The following ZNF138 variants were observed in gnomAD, a reference collection of about 807,000 sequenced individuals.
ZNF138 encodes zinc finger protein 138 (clone pHZ-32).
A neutral mutation model predicts 33.0 loss-of-function variants in ZNF138; 33 were observed. The ratio of observed to expected loss-of-function variants is 1.00; its 90% CI spans 0.76 to 1.34. The LOEUF is 1.34. ZNF138 is among the 40% of genes most tolerant of loss of function. The probability of loss-of-function intolerance (pLI) is 0.00; values close to 1 mark genes in which losing one functional copy is unlikely to be tolerated. For synonymous variants in ZNF138, 139 were observed against 120.4 expected (o/e 1.15, Z -1.01); for missense variants, 360 against 370.8 (o/e 0.97, Z 0.24).
At chr7:64,851,939 G>A in the ZNF138 span, among the ~76,000 whole-genome samples, 3 of 152,060 alleles carry the variant, frequency 2.0e-5, no homozygotes, top group Non-Finnish European at 4.4e-5. Flanking sequence ...CTTATGACTG[G>A]GATGCCGTCA....
At chr7:64,839,990 C>T in the ZNF138 span, among the ~76,000 whole-genome samples, 7 of 138,870 alleles carry the variant, frequency 5.0e-5, no homozygotes, top group African/African-American at 7.8e-5. Flanking sequence ...GAGGAGTGGG[C>T]GGGGTAGGGG....
intron 1 of ZNF138, among the ~76,000 whole-genome samples, chr7:64,803,197 G>C (rs1469325006): frequency 6.7e-6 from 1 of 148,568 alleles, no homozygotes; most frequent in Non-Finnish European, 1.5e-5. Flanking sequence ...CATTGTTTTT[G>C]ACTCAGGATT....
the ZNF138 span, among the ~76,000 whole-genome samples, chr7:64,840,686 C>T: frequency 6.6e-6 from 1 of 151,104 alleles, no homozygotes; most frequent in Admixed American, 6.6e-5. Flanking sequence ...ATAAATAAAA[C>T]CCTGAGTCTT....
chr7:64,832,832 C>A lies in ZNF138; in HGVS notation c.*630C>A. On this transcript the variant is annotated 3_prime_UTR_variant, in exon 4 of 4. Coordinates refer to ENST00000307355, the MANE Select transcript of ZNF138 (RefSeq NM_001271639.2). ...AGAAGATTCATACTAGAGAGAAACC[C>A]TACAAATGTGAAGAATGTGGCATAT... 1 of 448,892 alleles carries A rather than the reference C, an allele frequency of 2.2e-6. No individual in the cohort carries two copies. 27.8% of individuals were successfully genotyped at this position (448,892 alleles called of 1,614,324 possible). A position where few individuals can be genotyped will look rare whatever the true frequency, so the allele number is the denominator to read the frequency against.
At chr7:64,858,231 T>C in the ZNF138 span, among the ~76,000 whole-genome samples, 3 of 152,184 alleles carry the variant, frequency 2.0e-5, no homozygotes. Context: ...CTGAGAAGTG[T>C]CCTGCCAGAA....
At chr7:64,834,485 C>T (rs1790306019), downstream of ZNF138, among the ~76,000 whole-genome samples, 1 of 152,066 alleles carries the variant, frequency 6.6e-6, no homozygotes, top group Admixed American at 6.6e-5. Context: ...TGCAGAGTTA[C>T]AATTACATTC....
At chr7:64,840,604 T>C in the ZNF138 span, among the ~76,000 whole-genome samples, 1 of 152,182 alleles carries the variant, frequency 6.6e-6, no homozygotes, top group Non-Finnish European at 1.5e-5. Context: ...TTTTACTTAC[T>C]TTAAAATGTA....
chr7:64,840,968 C>T, the ZNF138 span, among the ~76,000 whole-genome samples: 1 of 151,790 alleles, frequency 6.6e-6, no homozygotes, highest in South Asian at 2.1e-4. Flanking sequence ...AACTGAAAAC[C>T]TCAAAAATGC....
the ZNF138 span, among the ~76,000 whole-genome samples, chr7:64,845,060 G>A: frequency 6.6e-6 from 1 of 151,944 alleles, no homozygotes; most frequent in Non-Finnish European, 1.5e-5. Context: ...AACCCAATTT[G>A]TAGTCTTTTA....
intron 3 of ZNF138, 44 bp from the exon 4 acceptor site, chr7:64,831,407 G>C: frequency 2.1e-6 from 3 of 1,456,030 alleles, no homozygotes; most frequent in Non-Finnish European, 2.8e-6. Context: ...ATATTCATCT[G>C]AGTCTAGCAG....
intron 1 of ZNF138, among the ~76,000 whole-genome samples, chr7:64,804,624 A>G (rs929672150): frequency 6.6e-6 from 1 of 151,884 alleles, no homozygotes; most frequent in Non-Finnish European, 1.5e-5. Context: ...TCTACTAAAA[A>G]TATAAAATAA....
intron 3 of ZNF138, among the ~76,000 whole-genome samples, chr7:64,815,897 G>A (rs925712709): frequency 2.0e-5 from 3 of 152,048 alleles, no homozygotes; most frequent in Admixed American, 2.0e-4. Flanking sequence ...TCCTTTTCAT[G>A]GCATATAAAA....
Position 64,822,215 on chromosome 7 carries a change from G to C in ZNF138, c.208+6562G>C, listed in dbSNP as rs191263425. 6.7e-4 allele frequency among the ~76,000 whole-genome samples: 102 copies of C among 151,552 alleles called. 6 individuals are homozygous for C. Among genetic ancestry groups the C allele is most frequent in the African/African-American group, 2.4e-3 (100 of 40,938 alleles). On this transcript the variant is annotated intron_variant, in intron 3 of 3. Coordinates refer to ENST00000307355, the MANE Select transcript of ZNF138 (RefSeq NM_001271639.2). ...ATTACAGGCGTGAGCCACCGTGCCT[G>C]GCCAATTTGCAAATATTTTCACCCA... is the stretch of plus-strand genomic sequence containing the variant.
chr7:64,843,982 C>T, the ZNF138 span, among the ~76,000 whole-genome samples: 163 of 152,224 alleles, frequency 1.1e-3, 1 homozygote, highest in African/African-American at 3.3e-3. Flanking sequence ...CGCCACCATG[C>T]CCAGCTAATT....
rs776803306 is a variant in ZNF138, at chr7:64,832,211, T to C, written c.*9T>C. On this transcript the variant is annotated 3_prime_UTR_variant, in exon 4 of 4. Transcript: ENST00000307355. ...CTTTTAACCTATCTTAACAACTTACTGAACATAAGAAAATTTACACTAGAG... is the reference window on the plus strand; with the variant it reads ...CTTTTAACCTATCTTAACAACTTACCGAACATAAGAAAATTTACACTAGAG... 1 of 1,603,612 alleles carries C rather than the reference T, an allele frequency of 6.2e-7. No homozygotes were observed. The highest frequency in any genetic ancestry group is 1.1e-5 in the South Asian group (1 of 89,634).
chr7:64,839,849 C>T, the ZNF138 span, among the ~76,000 whole-genome samples: 92,649 of 151,666 alleles, frequency 0.61, 28,597 homozygotes, highest in East Asian at 0.7. Context: ...ATCAATAAGG[C>T]GGAGAGGCGA....
intron 1 of ZNF138, among the ~76,000 whole-genome samples, chr7:64,803,833 C>A (rs1306898898): frequency 3.9e-5 from 6 of 152,056 alleles, no homozygotes; most frequent in African/African-American, 7.2e-5. Context: ...CAAATTATTA[C>A]AGTAGATATT....
At chr7:64,810,404 C>A (rs1174239128) in intron 1 of ZNF138, among the ~76,000 whole-genome samples, 2 of 108,488 alleles carry the variant, frequency 1.8e-5, no homozygotes, top group Non-Finnish European at 3.5e-5. Context: ...GCAGTACAGT[C>A]CAGCTTCGGC....
the ZNF138 span, among the ~76,000 whole-genome samples, chr7:64,844,670 T>G: frequency 0.077 from 11,554 of 149,442 alleles, 637 homozygotes; most frequent in South Asian, 0.18. Context: ...GTTTTATGTG[T>G]TTTTTTGTTT....
Sources: allele counts gnomAD v4.1 joint callset (sites outside exome capture counted in the v4.1 genomes callset), GRCh38; gene constraint gnomAD v4.1.1; transcripts MANE v1.5; gene names NCBI Gene and HGNC (gene_info 2026-07-23, HGNC 2026-07-21).